The following PRKN variants were observed in gnomAD, a reference collection of about 807,000 sequenced individuals.
The protein encoded by PRKN is E3 ubiquitin-protein ligase parkin.
PRKN carries 56 observed loss-of-function variants against 59.5 expected under a neutral mutation model. The observed-to-expected ratio is 0.94, with a 90% CI of 0.76 to 1.18. The LOEUF (loss-of-function observed/expected upper bound fraction) is 1.18, where lower values mean the gene tolerates loss of function less well. Ranked by LOEUF, PRKN falls within the 50% of genes most tolerant of loss-of-function variation. The probability of loss-of-function intolerance (pLI) is 0.00; values close to 1 mark genes in which losing one functional copy is unlikely to be tolerated. For missense variants in PRKN, 657 were observed against 596.4 expected (o/e 1.10, Z -1.06); for synonymous variants, 250 against 222.1 (o/e 1.13, Z -1.12).
chr6:162,106,064 T>C (rs374502039), intron 4 of PRKN, among the ~76,000 whole-genome samples: 15 of 152,190 alleles, frequency 9.9e-5, no homozygotes, highest in African/African-American at 3.6e-4. Flanking sequence ...AAAATGTGGA[T>C]AGAAAATGAT....
intron 7 of PRKN, among the ~76,000 whole-genome samples, chr6:161,660,319 G>A (rs1237256789): frequency 6.6e-6 from 1 of 152,178 alleles, no homozygotes; most frequent in Admixed American, 6.5e-5. Context: ...GATGGTCAAA[G>A]TGGAAGAGTT....
intron 9 of PRKN, among the ~76,000 whole-genome samples, chr6:161,394,598 C>A (rs764798816): frequency 1.3e-5 from 2 of 152,174 alleles, no homozygotes; most frequent in Non-Finnish European, 2.9e-5. Context: ...TGCGCGTGCA[C>A]GTAACCATCC....
intron 1 of PRKN, among the ~76,000 whole-genome samples, chr6:162,696,092 T>C (rs532171682): frequency 2.0e-5 from 3 of 151,728 alleles, no homozygotes; most frequent in Non-Finnish European, 4.4e-5. Context: ...ATAAACAAAT[T>C]GGTAACAGGA....
At chr6:161,948,572 C>T (rs942007470) in intron 6 of PRKN, among the ~76,000 whole-genome samples, 1 of 152,002 alleles carries the variant, frequency 6.6e-6, no homozygotes, top group South Asian at 2.1e-4. Context: ...TCACAGGCTG[C>T]AAGAATCAGG....
chr6:162,529,509 T>A (rs867347079), intron 1 of PRKN, among the ~76,000 whole-genome samples: 15 of 152,152 alleles, frequency 9.9e-5, no homozygotes, highest in Admixed American at 3.3e-4. Flanking sequence ...CCCAAACACC[T>A]CTGTGTTCTG....
At chr6:162,172,921 G>A (rs141450573) in intron 4 of PRKN, among the ~76,000 whole-genome samples, 3 of 152,258 alleles carry the variant, frequency 2.0e-5, no homozygotes, top group East Asian at 1.9e-4. Context: ...GAAGGGGGGC[G>A]TGTGGGAGTG....
intron 3 of PRKN, among the ~76,000 whole-genome samples, chr6:162,217,324 C>T (rs1307780840): frequency 6.6e-6 from 1 of 152,156 alleles, no homozygotes; most frequent in African/African-American, 2.4e-5. Flanking sequence ...CATGTTCCTT[C>T]TCCTTACTGC....
At chr6:162,081,055 C>G (rs1779035760) in intron 4 of PRKN, among the ~76,000 whole-genome samples, 1 of 152,094 alleles carries the variant, frequency 6.6e-6, no homozygotes, top group Non-Finnish European at 1.5e-5. Context: ...ATGTCTTCAG[C>G]CTCCACTTCT....
chr6:161,803,099 G>T (rs1481298385), intron 6 of PRKN, among the ~76,000 whole-genome samples: 1 of 152,164 alleles, frequency 6.6e-6, no homozygotes. Context: ...AGTGAATTCT[G>T]CACAAACAGC....
chr6:162,683,794 T>C (rs1204712073), intron 1 of PRKN, among the ~76,000 whole-genome samples: 1 of 152,056 alleles, frequency 6.6e-6, no homozygotes, highest in Non-Finnish European at 1.5e-5. Flanking sequence ...ACTTTGGAAA[T>C]AATACTTTTT....
At position 161,401,551 on chromosome 6, in the gene PRKN, T is replaced by G. The variant is rs561226328; in HGVS notation, c.1084-14674A>C. ...TTGCTTGAACCCAGGAGGCGGAGGC[T>G]GCAGTGAGCCGAGATTGTGCCACTG... On this transcript the variant is annotated intron_variant, in intron 9 of 11. Coordinates refer to ENST00000366898, the MANE Select transcript of PRKN (RefSeq NM_004562.3). This position sits in a 1 kb window ranked among gnomAD's most constrained non-coding sequence, Gnocchi z 4.4. 1.1e-4 allele frequency among the ~76,000 whole-genome samples: 16 copies of G among 151,994 alleles called. No individual in the cohort carries two copies. Among genetic ancestry groups the G allele is most frequent in the East Asian group, 1.9e-4 (1 of 5,156 alleles).
At chr6:162,521,489 T>A (rs1313125177) in intron 1 of PRKN, among the ~76,000 whole-genome samples, 1 of 152,180 alleles carries the variant, frequency 6.6e-6, no homozygotes, top group Non-Finnish European at 1.5e-5. Flanking sequence ...TTCCTCATGA[T>A]TACATCCATT....
At chr6:162,659,225 C>T (rs1204097273) in intron 1 of PRKN, among the ~76,000 whole-genome samples, 1 of 152,096 alleles carries the variant, frequency 6.6e-6, no homozygotes, top group African/African-American at 2.4e-5. Context: ...ACACTTTATG[C>T]CTTTTTTCCT....
chr6:162,705,562 G>C (rs1376969201), intron 1 of PRKN, among the ~76,000 whole-genome samples: 1 of 152,156 alleles, frequency 6.6e-6, no homozygotes, highest in East Asian at 1.9e-4. Flanking sequence ...ACAGCCATCA[G>C]TCATGGAAAG....
chr6:161,471,238 A>G lies in PRKN; in HGVS notation c.1083+77616T>C, dbSNP rs1311760486. Among the ~76,000 whole-genome samples, 1 of 152,210 alleles carries G rather than the reference A, an allele frequency of 6.6e-6. No homozygotes were observed. Among genetic ancestry groups the G allele is most frequent in the African/African-American group, 2.4e-5 (1 of 41,456 alleles). On this transcript the variant is annotated intron_variant, in intron 9 of 11. Transcript: ENST00000366898. This position sits in a 1 kb window ranked among gnomAD's most constrained non-coding sequence, Gnocchi z 4.5. ...TGTACATTAGAAAAATGCTCTTTCAAAAAGCCTAGAAAGAAATATAGCCAA... is the reference window on the plus strand; with the variant it reads ...TGTACATTAGAAAAATGCTCTTTCAGAAAGCCTAGAAAGAAATATAGCCAA...
In PRKN at chr6:161,551,508, C is replaced by T. The variant is rs1293026565; in HGVS notation, c.934-2505G>A. Among the ~76,000 whole-genome samples the T allele has an allele frequency of 6.6e-6, 1 of 152,178 alleles. No individual in the cohort carries two copies. The highest frequency in any genetic ancestry group is 1.5e-5 in the Non-Finnish European group (1 of 68,026). ...TGAGGCAGGTGAAAACTGAGGAGGA[C>T]TCAGGTGTCCCGAAAGCCAAGGGAA... On this transcript the variant is annotated intron_variant, in intron 8 of 11. Transcript: ENST00000366898. The surrounding 1 kb of genome is among the most constrained non-coding windows in gnomAD (Gnocchi z 5.2).
At chr6:162,265,833 G>A (rs751543388) in intron 2 of PRKN, among the ~76,000 whole-genome samples, 11 of 152,144 alleles carry the variant, frequency 7.2e-5, no homozygotes, top group Admixed American at 2.6e-4. Context: ...GGGCACCCTC[G>A]CTGACCTGTA....
chr6:161,481,436 C>A (rs899674479), intron 9 of PRKN, among the ~76,000 whole-genome samples: 2 of 152,048 alleles, frequency 1.3e-5, no homozygotes, highest in African/African-American at 4.8e-5. Flanking sequence ...AACCCCATCT[C>A]TACTAAAAAT....
chr6:162,675,896 A>G (rs376801444), intron 1 of PRKN, among the ~76,000 whole-genome samples: 1 of 152,206 alleles, frequency 6.6e-6, no homozygotes, highest in Non-Finnish European at 1.5e-5. Flanking sequence ...CAATAATGGA[A>G]TACTGACTTA....
Sources: gnomAD v4.1 joint callset for allele counts (sites outside exome capture counted in the v4.1 genomes callset) on GRCh38, gnomAD v4.1.1 for gene constraint, Gnocchi (gnomAD v3.1) non-coding constraint, MANE v1.5 for transcripts, NCBI Gene and HGNC (gene_info 2026-07-23, HGNC 2026-07-21) for gene names.